Variants in PCDH11X observed in about 807,000 individuals in gnomAD.
PCDH11X encodes protocadherin-11 X-linked.
Under a neutral mutation model 53.3 loss-of-function variants are expected in PCDH11X, and 18 were observed. The ratio of observed to expected loss-of-function variants is 0.34; its 90% CI spans 0.23 to 0.50. The LOEUF is 0.50. PCDH11X is among the 20% of genes least tolerant of loss of function. The pLI is 0.98. For missense variants in PCDH11X, 570 were observed against 1,032.4 expected, an observed-to-expected ratio of 0.55 and a Z score of 6.14; for synonymous variants, 279 against 393.3, an observed-to-expected ratio of 0.71 and a Z score of 3.44.
At chrX:92,120,798 G>A (rs1461999762) in intron 6 of PCDH11X, among the ~76,000 whole-genome samples, 2 of 111,566 alleles carry the variant, frequency 1.8e-5, no homozygotes, top group African/African-American at 6.5e-5. Context: ...GTCTTCTCAG[G>A]CATAAATGAT....
At chrX:92,451,313 A>G (rs2072774332) in intron 9 of PCDH11X, among the ~76,000 whole-genome samples, 1 of 110,416 alleles carries the variant, frequency 9.1e-6, no homozygotes, top group Admixed American at 9.7e-5. Context: ...GTGCAGATCC[A>G]TCATATAACA....
intron 10 of PCDH11X, among the ~76,000 whole-genome samples, chrX:92,554,394 A>T (rs1324524735): frequency 9.4e-6 from 1 of 106,680 alleles, no homozygotes; most frequent in Non-Finnish European, 1.9e-5. Flanking sequence ...AATTTTTTAA[A>T]AATTACTATT....
At chrX:92,448,264 C>T (rs879124984) in intron 9 of PCDH11X, among the ~76,000 whole-genome samples, 9 of 109,425 alleles carry the variant, frequency 8.2e-5, no homozygotes, top group African/African-American at 2.7e-4. Context: ...GCACCAGGGG[C>T]GGAATGATAT....
intron 1 of PCDH11X, among the ~76,000 whole-genome samples, chrX:91,789,230 A>T (rs921649102): frequency 9.3e-6 from 1 of 108,035 alleles, no homozygotes; most frequent in Non-Finnish European, 1.9e-5. Context: ...AAAAGAAAAG[A>T]AAAAGAAAAA....
chrX:92,267,831 T>C (rs2067866191), intron 8 of PCDH11X, among the ~76,000 whole-genome samples: 1 of 112,251 alleles, frequency 8.9e-6, no homozygotes, highest in Admixed American at 9.4e-5. Flanking sequence ...AGGACCTTCT[T>C]GTTGCATCAT....
At chrX:92,013,339 C>A (rs1204934343) in intron 6 of PCDH11X, among the ~76,000 whole-genome samples, 1 of 111,434 alleles carries the variant, frequency 9.0e-6, no homozygotes, top group East Asian at 2.8e-4. Flanking sequence ...TGTGAAGGAC[C>A]TCTTCGAAGA....
intron 8 of PCDH11X, among the ~76,000 whole-genome samples, chrX:92,343,891 G>A (rs749743712): frequency 9.0e-6 from 1 of 111,135 alleles, no homozygotes; most frequent in East Asian, 2.8e-4. Context: ...TTAGCTAGAT[G>A]AGAAAAGTTT....
At chrX:92,357,556 C>T (rs2070240342) in intron 8 of PCDH11X, among the ~76,000 whole-genome samples, 1 of 106,071 alleles carries the variant, frequency 9.4e-6, no homozygotes, top group East Asian at 3.0e-4. Context: ...TGAGAGAGTC[C>T]CCTCACCTCT....
At chrX:91,957,648 C>T (rs1300678371) in intron 6 of PCDH11X, among the ~76,000 whole-genome samples, 2 of 111,039 alleles carry the variant, frequency 1.8e-5, no homozygotes, top group Non-Finnish European at 3.8e-5. Flanking sequence ...TCTGGAAGCT[C>T]CATCCCAGGG....
At chrX:92,512,119 G>T (rs981180955) in intron 10 of PCDH11X, among the ~76,000 whole-genome samples, 5 of 105,900 alleles carry the variant, frequency 4.7e-5, no homozygotes, top group Non-Finnish European at 7.8e-5. Flanking sequence ...TATCATTAAA[G>T]AAGCTGATTT....
chrX:92,310,956 G>T (rs1481048435), intron 8 of PCDH11X, among the ~76,000 whole-genome samples: 4 of 111,973 alleles, frequency 3.6e-5, no homozygotes, highest in Non-Finnish European at 7.5e-5. Context: ...TTAGATCAAT[G>T]AGTTAGTCAA....
intron 9 of PCDH11X, among the ~76,000 whole-genome samples, chrX:92,401,806 T>A (rs1365841390): frequency 5.4e-5 from 6 of 112,140 alleles, no homozygotes; most frequent in Non-Finnish European, 1.1e-4. Flanking sequence ...TAATTTGAAG[T>A]TTTGAAAAAT....
intron 6 of PCDH11X, among the ~76,000 whole-genome samples, chrX:91,972,672 G>A (rs2061981024): frequency 9.5e-6 from 1 of 105,365 alleles, no homozygotes; most frequent in Middle Eastern, 4.9e-3. Flanking sequence ...CATATGGCTA[G>A]CCAGTTTTCC....
intron 8 of PCDH11X, among the ~76,000 whole-genome samples, chrX:92,364,412 C>T (rs142460533): frequency 1.8e-5 from 2 of 110,357 alleles, no homozygotes; most frequent in South Asian, 3.8e-4. Flanking sequence ...GAAAAGGTAG[C>T]GTAAAAATAG....
intron 7 of PCDH11X, among the ~76,000 whole-genome samples, chrX:92,230,559 T>A (rs2067056094): frequency 1.1e-5 from 1 of 94,256 alleles, no homozygotes; most frequent in Non-Finnish European, 2.1e-5. Context: ...ATATAATATA[T>A]AAAATACATA....
chrX:92,570,979 T>C (rs1386642548), intron 10 of PCDH11X, among the ~76,000 whole-genome samples: 1 of 111,969 alleles, frequency 8.9e-6, no homozygotes, highest in Non-Finnish European at 1.9e-5. Context: ...TTTTAAAAAA[T>C]TGACATTTTT....
chrX:92,422,138 T>C (rs1033918896), intron 9 of PCDH11X, among the ~76,000 whole-genome samples: 1 of 108,484 alleles, frequency 9.2e-6, no homozygotes, highest in Non-Finnish European at 1.9e-5. Flanking sequence ...TCTTTTCTTT[T>C]TTTTTTTTTT....
chrX:91,990,294 T>C (rs2062299628), intron 6 of PCDH11X, among the ~76,000 whole-genome samples: 1 of 107,882 alleles, frequency 9.3e-6, no homozygotes, highest in Admixed American at 9.9e-5. Flanking sequence ...TGACTCTTAT[T>C]TATATCTTTT....
At chrX:92,213,805 T>C (rs1207063394) in intron 7 of PCDH11X, among the ~76,000 whole-genome samples, 1 of 112,288 alleles carries the variant, frequency 8.9e-6, no homozygotes, top group African/African-American at 3.2e-5. Context: ...TACCAGTTAT[T>C]AGGCTTTGGA....
Sources: allele counts gnomAD v4.1 joint callset (sites outside exome capture counted in the v4.1 genomes callset), GRCh38; gene constraint gnomAD v4.1.1; transcripts MANE v1.5; gene names NCBI Gene and HGNC (gene_info 2026-07-23, HGNC 2026-07-21).